Variants in SLC14A2 observed in about 807,000 individuals in gnomAD.
SLC14A2 encodes solute carrier family 14 member 2, also known as urea transporter 2.
A neutral mutation model predicts 104.6 loss-of-function variants in SLC14A2; 91 were observed. The observed-to-expected ratio is 0.87, with a 90% confidence interval of 0.73 to 1.04. The LOEUF is 1.04. SLC14A2 is among the 50% of genes least tolerant of loss of function. The pLI, the probability that SLC14A2 is intolerant of heterozygous loss-of-function variation, is 0.00. For missense variants in SLC14A2, 1,189 were observed against 1,156.0 expected, an observed-to-expected ratio of 1.03 and a Z score of -0.41; for synonymous variants, 476 against 466.4, an observed-to-expected ratio of 1.02 and a Z score of -0.27.
chr18:45,631,165 A>G (rs2045339444), intron 4 of SLC14A2, among the ~76,000 whole-genome samples: 1 of 151,976 alleles, frequency 6.6e-6, no homozygotes, highest in Non-Finnish European at 1.5e-5. Context: ...CACATTATTC[A>G]TTCAACAAAT....
intron 2 of SLC14A2, among the ~76,000 whole-genome samples, chr18:45,531,776 A>G (rs2043692751): frequency 6.6e-6 from 1 of 152,120 alleles, no homozygotes; most frequent in South Asian, 2.1e-4. Flanking sequence ...GTCCTTGCCC[A>G]TGCCTATGTC....
At chr18:45,398,498 T>G (rs761813815) in intron 1 of SLC14A2, among the ~76,000 whole-genome samples, 13 of 152,156 alleles carry the variant, frequency 8.5e-5, no homozygotes, top group Admixed American at 2.0e-4. Context: ...TGTACACCAA[T>G]GTTTATGGCA....
At chr18:45,643,799 G>A (rs2045573640) in intron 9 of SLC14A2, among the ~76,000 whole-genome samples, 187 bp from the exon 10 acceptor site, 1 of 152,200 alleles carries the variant, frequency 6.6e-6, no homozygotes, top group Admixed American at 6.5e-5. Flanking sequence ...TTACAGGCAT[G>A]AGCCACTGCA....
At chr18:45,182,094 A>C in the SLC14A2 span, among the ~76,000 whole-genome samples, 2 of 152,104 alleles carry the variant, frequency 1.3e-5, no homozygotes, top group African/African-American at 4.8e-5. Flanking sequence ...AAAGTAATTA[A>C]GCAGCCAAGT....
chr18:45,270,218 C>T (rs2084637645), intron 1 of SLC14A2, among the ~76,000 whole-genome samples: 1 of 152,132 alleles, frequency 6.6e-6, no homozygotes, highest in Admixed American at 6.6e-5. Flanking sequence ...CTAATGTACT[C>T]TGTGTGGGTT....
At chr18:45,614,794 CTTTTTTTTTTTT>C (rs758644176), upstream of SLC14A2, 1 of 105,414 alleles carries the variant, frequency 9.5e-6, no homozygotes, top group African/African-American at 3.7e-5. Context: ...AACTAACTTG[CTTTTTTTTTTTT>C]TTTTTTTTTT....
intron 2 of SLC14A2, among the ~76,000 whole-genome samples, chr18:45,540,278 G>C (rs2029863620): frequency 6.6e-6 from 1 of 152,192 alleles, no homozygotes; most frequent in South Asian, 2.1e-4. Flanking sequence ...CCTCGGGTCT[G>C]CTCCTGCTGT....
intron 1 of SLC14A2, among the ~76,000 whole-genome samples, chr18:45,326,742 T>G (rs1168083688): frequency 6.6e-6 from 1 of 152,220 alleles, no homozygotes; most frequent in East Asian, 1.9e-4. Context: ...GCCTCTTTCC[T>G]CATACAGGTT....
In SLC14A2 at chr18:45,641,581, G is replaced by A. The variant is rs75483056; in HGVS notation, c.1126+238G>A. ...TTACACAGTGTTGTAAAGTTTATAA[G>A]GAAATCACATATGCATTTCCTTGTG... On this transcript the variant is annotated intron_variant, in intron 8 of 19. Coordinates refer to ENST00000255226, the MANE Select transcript of SLC14A2 (RefSeq NM_007163.4). Among the ~76,000 whole-genome samples the A allele has an allele frequency of 1.7e-3, 254 of 152,290 alleles. 7 individuals are homozygous for A. In the South Asian group the frequency reaches 0.028, roughly 17 times the overall value.
intron 2 of SLC14A2, among the ~76,000 whole-genome samples, chr18:45,525,264 A>G (rs1024759523): frequency 2.6e-5 from 4 of 152,194 alleles, no homozygotes; most frequent in Admixed American, 6.5e-5. Context: ...CAAATGCAGT[A>G]TCTTGCAGTT....
chr18:45,641,158 C>T, intron 7 of SLC14A2, 51 bp from the exon 8 acceptor site: 4 of 1,601,408 alleles, frequency 2.5e-6, no homozygotes, highest in Non-Finnish European at 3.4e-6. Context: ...CCAGGGTGGT[C>T]TTTGTTCTGT....
intron 2 of SLC14A2, among the ~76,000 whole-genome samples, chr18:45,605,319 C>T (rs897461846): frequency 6.6e-6 from 1 of 152,110 alleles, no homozygotes; most frequent in Non-Finnish European, 1.5e-5. Context: ...GTCTCATGTA[C>T]CCCTCAGGGC....
intron 1 of SLC14A2, among the ~76,000 whole-genome samples, chr18:45,250,755 C>CTTTTTTTTTTTTTTTTTTTTTTT (rs67864793): frequency 1.1e-4 from 10 of 93,888 alleles, no homozygotes; most frequent in African/African-American, 4.4e-4. Context: ...TGGCTTCTTC[C>CTTTTTTTTTTTTTTTTTTTTTTT]TTTTTTTTTT....
At position 45,682,736 on chromosome 18, in the gene SLC14A2, C is replaced by T; in HGVS notation, c.*217C>T. On this transcript the variant is annotated 3_prime_UTR_variant, in exon 20 of 20. Transcript: ENST00000255226. ...TTTAGTTTAGACTTTATACCCTTAG[C>T]TTTCCCATAAGAGCTCCCTTTGTGG... The T allele has an allele frequency of 1.9e-6, 1 of 520,850 alleles. No individual in the cohort carries two copies. The highest frequency in any genetic ancestry group is 3.5e-6 in the Non-Finnish European group (1 of 287,312). The allele number at this position is 520,850 out of a possible 1,614,324, so 32.3% of individuals were successfully genotyped here. A position where few individuals can be genotyped will look rare whatever the true frequency, so the allele number is the denominator to read the frequency against.
Position 45,668,387 on chromosome 18 carries a change from T to A in SLC14A2, c.1946T>A (p.Val649Glu), listed in dbSNP as rs774147660. The A allele has an allele frequency of 3.7e-6, 6 of 1,613,826 alleles. No homozygotes were observed. In the South Asian group the frequency reaches 4.4e-5, roughly 12 times the overall value. Residue 649 changes from valine (V) to glutamate (E), a missense_variant, in exon 15 of 20, where the codon GTG becomes GAG. By Grantham distance (121) the Val-to-Glu change is moderately radical (BLOSUM62 -2). Transcript: ENST00000255226. Reference protein sequence around the residue: ...IAAGFHGYNGVLVGLLMAVFS... With the variant: ...IAAGFHGYNGELVGLLMAVFS... ...GCAGGATTTCACGGCTACAATGGGG[T>A]GCTGGTGGGGCTGCTGATGGCCGTG...
chr18:45,608,928 T>C (rs1399867942), intron 2 of SLC14A2, among the ~76,000 whole-genome samples: 3 of 152,210 alleles, frequency 2.0e-5, no homozygotes, highest in Non-Finnish European at 4.4e-5. Flanking sequence ...GGGTAGCTGG[T>C]CCAGAGGATG....
chr18:45,238,507 A>G (rs2084278968), intron 1 of SLC14A2, among the ~76,000 whole-genome samples: 1 of 152,234 alleles, frequency 6.6e-6, no homozygotes, highest in Admixed American at 6.5e-5. Context: ...TATAGCCAGG[A>G]ACAAAAATGA....
chr18:45,331,801 T>C (rs2085293918), intron 1 of SLC14A2, among the ~76,000 whole-genome samples: 1 of 152,194 alleles, frequency 6.6e-6, no homozygotes, highest in Non-Finnish European at 1.5e-5. Context: ...TCTTGTTCCA[T>C]CTATTTTCCT....
At chr18:45,231,221 G>T (rs1390246927) in intron 1 of SLC14A2, among the ~76,000 whole-genome samples, 1 of 148,108 alleles carries the variant, frequency 6.8e-6, no homozygotes, top group East Asian at 2.0e-4. Flanking sequence ...TTATTTTTTT[G>T]AGGTGGAGTC....
Sources: allele counts gnomAD v4.1 joint callset (sites outside exome capture counted in the v4.1 genomes callset), GRCh38; gene constraint gnomAD v4.1.1; transcripts MANE v1.5; gene names NCBI Gene and HGNC (gene_info 2026-07-23, HGNC 2026-07-21).